Variants in GNAQ observed in about 807,000 individuals in gnomAD.
GNAQ encodes the protein G protein subunit alpha q.
In GNAQ, 8 loss-of-function variants were observed where a neutral mutation model predicts 43.9. The ratio of observed to expected loss-of-function variants is 0.18; its 90% CI spans 0.11 to 0.33. The LOEUF (loss-of-function observed/expected upper bound fraction) is 0.33. Among genes scored for constraint, GNAQ ranks in the 10% least tolerant of loss-of-function variants. The pLI, the probability that GNAQ is intolerant of heterozygous loss-of-function variation, is 1.00. For missense variants in GNAQ, 158 were observed against 450.8 expected (o/e 0.35, Z 5.88); for synonymous variants, 155 against 170.7 (o/e 0.91, Z 0.71).
intron 2 of GNAQ, among the ~76,000 whole-genome samples, chr9:77,865,058 C>T (rs1442510292): frequency 4.6e-5 from 7 of 152,200 alleles, no homozygotes; most frequent in Admixed American, 3.9e-4. Flanking sequence ...AACCCCTTTT[C>T]ACCCTAAGCT....
chr9:78,005,054 A>G (rs1414817524), intron 1 of GNAQ, among the ~76,000 whole-genome samples: 1 of 151,918 alleles, frequency 6.6e-6, no homozygotes, highest in Non-Finnish European at 1.5e-5. Flanking sequence ...CAAAACTACA[A>G]TTTTTCTCTT....
At chr9:77,965,256 T>TC (rs1165442390) in intron 1 of GNAQ, among the ~76,000 whole-genome samples, 2 of 152,034 alleles carry the variant, frequency 1.3e-5, no homozygotes, top group Non-Finnish European at 2.9e-5. Flanking sequence ...CACAGAATCC[T>TC]CACGAATCAA....
chr9:77,960,617 G>T (rs1311720444), intron 1 of GNAQ, among the ~76,000 whole-genome samples: 6 of 152,154 alleles, frequency 3.9e-5, no homozygotes, highest in African/African-American at 1.4e-4. Context: ...AGCTAGCCCA[G>T]AGAGGGCGGA....
chr9:77,793,949 T>G (rs1025543272), intron 5 of GNAQ, among the ~76,000 whole-genome samples: 1 of 152,044 alleles, frequency 6.6e-6, no homozygotes, highest in African/African-American at 2.4e-5. Flanking sequence ...CCTAGAGAAT[T>G]CTATAAGAGC....
intron 2 of GNAQ, among the ~76,000 whole-genome samples, chr9:77,852,618 G>T (rs75678265): frequency 6.6e-6 from 1 of 152,258 alleles, no homozygotes; most frequent in East Asian, 1.9e-4. Context: ...CCTCTTTCCA[G>T]GTATGCCTCC....
At chr9:77,900,174 A>G (rs1564145289) in intron 2 of GNAQ, among the ~76,000 whole-genome samples, 1 of 152,148 alleles carries the variant, frequency 6.6e-6, no homozygotes, top group Non-Finnish European at 1.5e-5. Flanking sequence ...TACTTGTGGT[A>G]TATGTCTCAT....
chr9:77,755,489 T>C (rs1399578880), intron 5 of GNAQ, among the ~76,000 whole-genome samples: 1 of 152,138 alleles, frequency 6.6e-6, no homozygotes, highest in Non-Finnish European at 1.5e-5. Flanking sequence ...ATATATGCCA[T>C]GTACTCATAA....
chr9:77,928,346 T>A (rs1452256491), intron 1 of GNAQ, among the ~76,000 whole-genome samples: 1 of 152,182 alleles, frequency 6.6e-6, no homozygotes, highest in Admixed American at 6.5e-5. Context: ...GTGCAGAAGA[T>A]CCCAGACAAT....
chr9:77,896,161 C>T (rs1828499585), intron 2 of GNAQ, among the ~76,000 whole-genome samples: 1 of 152,082 alleles, frequency 6.6e-6, no homozygotes, highest in Admixed American at 6.5e-5. Context: ...TTAGCACTTA[C>T]CTAGTTAATA....
chr9:77,758,058 T>C (rs923788742), intron 5 of GNAQ, among the ~76,000 whole-genome samples: 1 of 152,246 alleles, frequency 6.6e-6, no homozygotes, highest in South Asian at 2.1e-4. Context: ...AAATATTATA[T>C]GAATTTAAGC....
intron 2 of GNAQ, among the ~76,000 whole-genome samples, chr9:77,873,810 A>G (rs553219924): frequency 6.6e-6 from 1 of 152,346 alleles, no homozygotes; most frequent in Non-Finnish European, 1.5e-5. Flanking sequence ...AGTTCTCAAT[A>G]TATCTAAAGC....
intron 1 of GNAQ, among the ~76,000 whole-genome samples, chr9:77,943,935 G>A (rs1200478778): frequency 5.3e-5 from 8 of 152,082 alleles, no homozygotes; most frequent in Non-Finnish European, 8.8e-5. Context: ...CCAAGGTGCT[G>A]GGATTACAGG....
chr9:77,821,432 T>G (rs2118526978), intron 2 of GNAQ, among the ~76,000 whole-genome samples: 1 of 152,276 alleles, frequency 6.6e-6, no homozygotes, highest in African/African-American at 2.4e-5. Flanking sequence ...ACTACCATTT[T>G]CCATGTAAAT....
chr9:77,824,057 G>T (rs1350887782), intron 2 of GNAQ, among the ~76,000 whole-genome samples: 2 of 152,104 alleles, frequency 1.3e-5, no homozygotes, highest in African/African-American at 4.8e-5. Context: ...GTACCTTCAT[G>T]TACTTTAGTC....
intron 2 of GNAQ, among the ~76,000 whole-genome samples, chr9:77,844,787 C>G (rs558629931): frequency 1.3e-5 from 2 of 152,054 alleles, no homozygotes; most frequent in African/African-American, 4.8e-5. Context: ...ATTCTCCCAC[C>G]TCAGCCTCCC....
At chr9:77,881,204 A>C (rs559810481) in intron 2 of GNAQ, among the ~76,000 whole-genome samples, 13 of 152,214 alleles carry the variant, frequency 8.5e-5, no homozygotes, top group African/African-American at 3.1e-4. Flanking sequence ...CACCCCCCCC[A>C]AAACGGGCAA....
At chr9:77,962,954 T>C (rs1473563290) in intron 1 of GNAQ, among the ~76,000 whole-genome samples, 2 of 147,370 alleles carry the variant, frequency 1.4e-5, no homozygotes, top group South Asian at 4.3e-4. Context: ...AAACTATGCA[T>C]GGATTTCAAA....
intron 3 of GNAQ, among the ~76,000 whole-genome samples, chr9:77,809,955 T>C (rs894090594): frequency 6.6e-6 from 1 of 152,186 alleles, no homozygotes; most frequent in Admixed American, 6.5e-5. Context: ...GTATGGATAA[T>C]TGCTGCTTAG....
chr9:77,809,155 A>G (rs892197822), intron 3 of GNAQ, among the ~76,000 whole-genome samples: 3 of 152,200 alleles, frequency 2.0e-5, no homozygotes, highest in Admixed American at 6.5e-5. Context: ...TCAAACTCCA[A>G]TGTTGACTTA....
Sources: gnomAD v4.1 joint callset for allele counts (sites outside exome capture counted in the v4.1 genomes callset) on GRCh38, gnomAD v4.1.1 for gene constraint, MANE v1.5 for transcripts, NCBI Gene and HGNC (gene_info 2026-07-23, HGNC 2026-07-21) for gene names.